The following ATP6V0A2 variants were observed in gnomAD, a reference collection of about 807,000 sequenced individuals.
ATP6V0A2 encodes the protein V-type proton ATPase 116 kDa subunit a 2.
ATP6V0A2 carries 58 observed loss-of-function variants against 104.4 expected under a neutral mutation model. The ratio of observed to expected loss-of-function variants is 0.56; its 90% CI spans 0.45 to 0.69. ATP6V0A2 has a LOEUF of 0.69. Among genes scored for constraint, ATP6V0A2 ranks in the 30% least tolerant of loss-of-function variants. The pLI, the probability that ATP6V0A2 is intolerant of heterozygous loss-of-function variation, is 0.00. For synonymous variants in ATP6V0A2, 376 were observed against 397.9 expected, an observed-to-expected ratio of 0.95 and a Z score of 0.65; for missense variants, 938 against 1,062.9, an observed-to-expected ratio of 0.88 and a Z score of 1.63.
intron 7 of ATP6V0A2, among the ~76,000 whole-genome samples, chr12:123,734,423 GC>G (rs2135898445): frequency 6.6e-6 from 1 of 152,290 alleles, no homozygotes; most frequent in South Asian, 2.1e-4. Context: ...GCGCTCAGGG[GC>G]CTGTCTGGAT....
At chr12:123,735,159 G>GTGTC (rs201045995) in intron 7 of ATP6V0A2, among the ~76,000 whole-genome samples, 1 of 146,838 alleles carries the variant, frequency 6.8e-6, no homozygotes, top group Non-Finnish European at 1.5e-5. Flanking sequence ...GTGTGTGTGT[G>GTGTC]TGTGTGTCTG....
chr12:123,725,805 A>G (rs1286120455), intron 4 of ATP6V0A2, among the ~76,000 whole-genome samples: 2 of 151,784 alleles, frequency 1.3e-5, no homozygotes, highest in African/African-American at 4.8e-5. Flanking sequence ...AAAAAAAAAA[A>G]AAAGAAAAAA....
intron 14 of ATP6V0A2, among the ~76,000 whole-genome samples, chr12:123,748,312 T>A (rs532309835): frequency 1.3e-5 from 2 of 152,302 alleles, no homozygotes; most frequent in African/African-American, 2.4e-5. Flanking sequence ...AGCCTTACTT[T>A]AAGGAAGGAA....
At chr12:123,731,079 T>C (rs527913217) in intron 6 of ATP6V0A2, 2 of 152,212 alleles carry the variant, frequency 1.3e-5, no homozygotes, top group Non-Finnish European at 2.9e-5. Context: ...AATGGATAGA[T>C]GTATATCTTG....
chr12:123,748,925 A>T (rs1956688701), intron 15 of ATP6V0A2, 140 bp downstream of exon 15: 6 of 862,782 alleles, frequency 7.0e-6, no homozygotes, highest in Admixed American at 1.9e-5. Flanking sequence ...TCACTGGAGG[A>T]TGCCAGTCCA....
rs1028154736 is a variant in ATP6V0A2, at chr12:123,760,605, G to A, written c.*2573G>A. 2 of 152,176 alleles carry A rather than the reference G, an allele frequency of 1.3e-5. No homozygotes were observed. The highest frequency in any genetic ancestry group is 1.5e-5 in the Non-Finnish European group (1 of 68,038). The allele number at this position is 152,176 out of a possible 1,614,324, so 9.4% of individuals were successfully genotyped here. On this transcript the variant is annotated 3_prime_UTR_variant, in exon 20 of 20. Coordinates refer to ENST00000330342, the MANE Select transcript of ATP6V0A2 (RefSeq NM_012463.4). ...TTCCTAAAGATAAATGTCACGACAC[G>A]ACATTTCTCAGTTTTTATTTAGATG...
At position 123,754,893 on chromosome 12, in the gene ATP6V0A2, T is replaced by G. The variant is rs76046907; in HGVS notation, c.2293+356T>G. 1,369 of 311,142 alleles carry G rather than the reference T, an allele frequency of 4.4e-3. 14 individuals carry two copies. The highest frequency in any genetic ancestry group is 0.027 in the African/African-American group (1,267 of 47,590). 19.3% of individuals were successfully genotyped at this position (311,142 alleles called of 1,614,324 possible). ...CATTACTGTTTCTGTTAGTAGTTAT[T>G]TCATTCACTGCTGCCTTACCAAGTG... On this transcript the variant is annotated intron_variant, in intron 18 of 19. Transcript: ENST00000330342.
chr12:123,712,648 C>T lies in ATP6V0A2; in HGVS notation c.83C>T (p.Ala28Val). 6.2e-7 allele frequency: 1 copy of T among 1,609,764 alleles called. No individual in the cohort carries two copies. The highest frequency in any genetic ancestry group is 8.5e-7 in the Non-Finnish European group (1 of 1,178,742). Residue 28 changes from alanine (A) to valine (V), a missense_variant, in exon 1 of 20, where the codon GCC (alanine) becomes GTC (valine). Coordinates refer to ENST00000330342, the MANE Select transcript of ATP6V0A2 (RefSeq NM_012463.4). ...QSGTAYECLS[A>V]LGEKGLVQFR... ...GGCACGGCCTACGAGTGCCTCAGCG[C>T]CCTGGGCGAGAAAGGCCTGGTCCAG...
intron 6 of ATP6V0A2, among the ~76,000 whole-genome samples, chr12:123,730,115 C>T (rs375851228): frequency 1.1e-3 from 151 of 133,072 alleles, no homozygotes; most frequent in African/African-American, 4.3e-3. Flanking sequence ...AGTGCAGTGG[C>T]GCGATCTCGG....
chr12:123,719,182 T>C (rs569862338), intron 2 of ATP6V0A2, among the ~76,000 whole-genome samples: 2 of 152,298 alleles, frequency 1.3e-5, no homozygotes, highest in East Asian at 3.9e-4. Flanking sequence ...TGATTGACAA[T>C]AATTTCCTTT....
chr12:123,720,665 C>T (rs1207497865), intron 2 of ATP6V0A2, among the ~76,000 whole-genome samples: 2 of 152,076 alleles, frequency 1.3e-5, no homozygotes, highest in Admixed American at 1.3e-4. Context: ...CACTGTACTC[C>T]AGCCTGGGCA....
intron 1 of ATP6V0A2, among the ~76,000 whole-genome samples, chr12:123,717,120 G>T (rs1329181825): frequency 1.3e-5 from 2 of 151,796 alleles, no homozygotes; most frequent in Admixed American, 6.6e-5. Context: ...TTTGAGACCA[G>T]CCTGGCCAAC....
intron 1 of ATP6V0A2, among the ~76,000 whole-genome samples, chr12:123,713,419 A>G (rs1593878908): frequency 6.6e-6 from 1 of 152,046 alleles, no homozygotes; most frequent in African/African-American, 2.4e-5. Context: ...TTGTTTGTCC[A>G]TTTACTTGTT....
chr12:123,713,743 G>T (rs953748544), intron 1 of ATP6V0A2, among the ~76,000 whole-genome samples: 12 of 152,146 alleles, frequency 7.9e-5, no homozygotes, highest in Non-Finnish European at 1.0e-4. Flanking sequence ...CTTACTGACT[G>T]AATTGAAATC....
intron 18 of ATP6V0A2, among the ~76,000 whole-genome samples, chr12:123,755,879 G>A (rs1360968142): frequency 6.6e-6 from 1 of 151,786 alleles, no homozygotes; most frequent in Non-Finnish European, 1.5e-5. Flanking sequence ...TCAGGAGATC[G>A]AGACCATCCT....
At chr12:123,725,946 G>A (rs1956444744) in intron 4 of ATP6V0A2, among the ~76,000 whole-genome samples, 1 of 152,130 alleles carries the variant, frequency 6.6e-6, no homozygotes, top group South Asian at 2.1e-4. Context: ...ACTCTATCTT[G>A]GATGAAGGCA....
At chr12:123,722,051 A>G (rs1360579500) in intron 2 of ATP6V0A2, among the ~76,000 whole-genome samples, 1 of 152,190 alleles carries the variant, frequency 6.6e-6, no homozygotes, top group Non-Finnish European at 1.5e-5. Flanking sequence ...AAATGGGTGG[A>G]ATTTCAGAAA....
In ATP6V0A2 at chr12:123,737,109, CGA is replaced by C; in HGVS notation, c.878_879del (p.Glu293ValfsTer25). 1 of 1,614,184 alleles carries C rather than the reference CGA, an allele frequency of 6.2e-7. No homozygotes were observed. Among genetic ancestry groups the C allele is most frequent in the African/African-American group, 1.3e-5 (1 of 75,042 alleles). On this transcript the variant is annotated frameshift_variant, in exon 9 of 20. Coordinates refer to ENST00000330342, the MANE Select transcript of ATP6V0A2 (RefSeq NM_012463.4). LOFTEE classifies it high-confidence loss of function. ...YLRQVLCKAAESVYSRVIQVK... is the reference protein window; with the variant it reads ...YLRQVLCKAAXSVYSRVIQVK... ...TGAGGCAAGTGCTATGTAAAGCCGC[CGA>C]GTCTGTCTACAGCCGTGTGATCCAG...
intron 9 of ATP6V0A2, chr12:123,737,547 C>T (rs1566283385): frequency 2.4e-6 from 1 of 419,296 alleles, no homozygotes; most frequent in Non-Finnish European, 4.4e-6. Flanking sequence ...CTGTGCCCAG[C>T]CTTGGCTCTG....
Sources: allele counts gnomAD v4.1 joint callset (sites outside exome capture counted in the v4.1 genomes callset), GRCh38; gene constraint gnomAD v4.1.1; transcripts MANE v1.5; gene names NCBI Gene and HGNC (gene_info 2026-07-23, HGNC 2026-07-21).